The following MACROH2A1 variants were observed in gnomAD, a reference collection of about 807,000 sequenced individuals.
The protein encoded by MACROH2A1 is core histone macro-H2A.1.
A neutral mutation model predicts 31.6 loss-of-function variants in MACROH2A1; 2 were observed. That is an observed-to-expected ratio of 0.06 (90% CI 0.03 to 0.20). The LOEUF (loss-of-function observed/expected upper bound fraction) is 0.20. Ranked by LOEUF, MACROH2A1 falls within the 10% of genes least tolerant of loss-of-function variation. The probability of loss-of-function intolerance (pLI) is 1.00; values close to 1 mark genes in which losing one functional copy is unlikely to be tolerated. For synonymous variants in MACROH2A1, 169 were observed against 189.6 expected (o/e 0.89, Z 0.89); for missense variants, 230 against 474.0 (o/e 0.49, Z 4.78).
At chr5:135,361,144 T>C (rs1307254833) in intron 4 of MACROH2A1, 1 of 226,632 alleles carries the variant, frequency 4.4e-6, no homozygotes, top group African/African-American at 2.4e-5. Flanking sequence ...TCTGTCTCCC[T>C]GCAGACCCCT....
At chr5:135,361,255 C>A (rs1250949778) in intron 4 of MACROH2A1, 1 of 157,156 alleles carries the variant, frequency 6.4e-6, no homozygotes, top group Non-Finnish European at 1.4e-5. Context: ...GAGAGAGGTA[C>A]ATGACATGGA....
intron 2 of MACROH2A1, among the ~76,000 whole-genome samples, chr5:135,381,452 A>G (rs1765641327): frequency 6.6e-6 from 1 of 152,186 alleles, no homozygotes; most frequent in Non-Finnish European, 1.5e-5. Context: ...AAGATGATAA[A>G]GAATGGCCAA....
At position 135,334,959 on chromosome 5, in the gene MACROH2A1, TTC is replaced by T; in HGVS notation, c.*15_*16del. ...AAGGTGGGGTACATGGTGCAGCTGGTTCTGTCATTGCTCAGCCTAGTTGGCGT... is the reference window on the plus strand; with the variant it reads ...AAGGTGGGGTACATGGTGCAGCTGGTTGTCATTGCTCAGCCTAGTTGGCGT... On this transcript the variant is annotated 3_prime_UTR_variant, in exon 9 of 9. Transcript: ENST00000511689. 1 of 1,608,240 alleles carries T rather than the reference TTC, an allele frequency of 6.2e-7. No individual in the cohort carries two copies. Among genetic ancestry groups the T allele is most frequent in the Non-Finnish European group, 8.5e-7 (1 of 1,175,176 alleles).
rs1768394100 is a variant in MACROH2A1, at chr5:135,398,660, C to G, written c.-34+402G>C. Among the ~76,000 whole-genome samples, 1 of 152,172 alleles carries G rather than the reference C, an allele frequency of 6.6e-6. No homozygotes were observed. Among genetic ancestry groups the G allele is most frequent in the Non-Finnish European group, 1.5e-5 (1 of 68,018 alleles). ...GTACAACTCTGCTCACAGCAGCTCC[C>G]GGGTGCCCAGGCCCAGACTGCCTAG... is the stretch of plus-strand genomic sequence containing the variant. On this transcript the variant is annotated intron_variant, in intron 1 of 8. Coordinates refer to ENST00000511689, the MANE Select transcript of MACROH2A1 (RefSeq NM_138610.3). This position sits in a 1 kb window ranked among gnomAD's most constrained non-coding sequence, Gnocchi z 4.6.
chr5:135,344,920 G>A (rs1760576046), intron 7 of MACROH2A1: 1 of 152,244 alleles, frequency 6.6e-6, no homozygotes, highest in African/African-American at 2.4e-5. Flanking sequence ...CAGGACTCAA[G>A]CTGGAACCCC....
intron 5 of MACROH2A1, chr5:135,359,097 A>T (rs1762525612): frequency 1.0e-6 from 1 of 985,320 alleles, no homozygotes; most frequent in East Asian, 1.1e-4. Context: ...TAGTTCATCC[A>T]GCAAGGGAGG....
chr5:135,367,215 ACAC>A (rs1242003222), intron 4 of MACROH2A1, among the ~76,000 whole-genome samples: 2 of 152,214 alleles, frequency 1.3e-5, no homozygotes, highest in Non-Finnish European at 2.9e-5. Context: ...CTGGGAGCTG[ACAC>A]CACAATTTAC....
At chr5:135,397,529 G>A (rs1768183144) in intron 1 of MACROH2A1, among the ~76,000 whole-genome samples, 5 of 152,190 alleles carry the variant, frequency 3.3e-5, no homozygotes. Flanking sequence ...ACAGATCGAA[G>A]CCAAAGAACA....
chr5:135,336,244 T>C (rs913717948), intron 8 of MACROH2A1, among the ~76,000 whole-genome samples: 5 of 152,240 alleles, frequency 3.3e-5, no homozygotes, highest in African/African-American at 7.2e-5. Flanking sequence ...CTGTGCACTC[T>C]GAACCTCCTG....
intron 2 of MACROH2A1, among the ~76,000 whole-genome samples, chr5:135,383,146 T>G (rs1004361051): frequency 6.6e-6 from 1 of 152,224 alleles, no homozygotes; most frequent in South Asian, 2.1e-4. Context: ...AGTGTTGAAC[T>G]GATTCTTTTT....
At chr5:135,392,551 C>G (rs995670837) in intron 1 of MACROH2A1, among the ~76,000 whole-genome samples, 4 of 152,184 alleles carry the variant, frequency 2.6e-5, no homozygotes, top group African/African-American at 9.7e-5. Flanking sequence ...TGACATCCAG[C>G]AATGTGTGGT....
chr5:135,397,217 C>T (rs1360876652), intron 1 of MACROH2A1, among the ~76,000 whole-genome samples: 1 of 152,110 alleles, frequency 6.6e-6, no homozygotes, highest in African/African-American at 2.4e-5. Context: ...GGTCCCAGAA[C>T]ACATGCCCTC....
intron 1 of MACROH2A1, among the ~76,000 whole-genome samples, chr5:135,394,375 G>A (rs1767672849): frequency 6.6e-6 from 1 of 152,140 alleles, no homozygotes; most frequent in African/African-American, 2.4e-5. Context: ...GTCAGTCACA[G>A]TCTAGTTTGG....
chr5:135,398,899 AG>A lies in MACROH2A1; in HGVS notation c.-34+162del, dbSNP rs1221654573. Among the ~76,000 whole-genome samples, 2 of 148,152 alleles carry A rather than the reference AG, an allele frequency of 1.3e-5. No individual in the cohort carries two copies. The highest frequency in any genetic ancestry group is 5.0e-5 in the African/African-American group (2 of 39,990). ...GGCCCGACAAGGCCTGGGAGGACGT[AG>A]TGCACGCGCGAGGACCCGGCGTGGG... On this transcript the variant is annotated intron_variant, in intron 1 of 8. Coordinates refer to ENST00000511689, the MANE Select transcript of MACROH2A1 (RefSeq NM_138610.3). The surrounding 1 kb of genome is among the most constrained non-coding windows in gnomAD (Gnocchi z 4.6).
intron 6 of MACROH2A1, chr5:135,350,963 G>T: frequency 8.1e-7 from 1 of 1,233,240 alleles, no homozygotes; most frequent in Non-Finnish European, 1.2e-6. Flanking sequence ...CGAGACCCAC[G>T]CACAGGCACA....
intron 6 of MACROH2A1, among the ~76,000 whole-genome samples, chr5:135,349,307 T>C (rs577319857): frequency 1.3e-5 from 2 of 152,220 alleles, no homozygotes; most frequent in Non-Finnish European, 2.9e-5. Context: ...AAGTACTTCC[T>C]TTCTATCAAA....
intron 2 of MACROH2A1, among the ~76,000 whole-genome samples, chr5:135,379,887 C>T (rs920874518): frequency 2.6e-5 from 4 of 152,234 alleles, no homozygotes; most frequent in South Asian, 2.1e-4. Context: ...AAGGTATTGC[C>T]GAGACCTCCT....
intron 2 of MACROH2A1, among the ~76,000 whole-genome samples, chr5:135,378,413 A>G (rs1340721069): frequency 6.6e-6 from 1 of 152,130 alleles, no homozygotes; most frequent in Non-Finnish European, 1.5e-5. Context: ...CCTATCCTTC[A>G]AGGCCTATCT....
intron 5 of MACROH2A1, chr5:135,359,315 A>G: frequency 3.0e-6 from 3 of 985,364 alleles, no homozygotes; most frequent in Non-Finnish European, 3.6e-6. Context: ...CCCAAGGAAT[A>G]TGTTACAGGG....
Sources: gnomAD v4.1 joint callset for allele counts (sites outside exome capture counted in the v4.1 genomes callset) on GRCh38, gnomAD v4.1.1 for gene constraint, Gnocchi (gnomAD v3.1) non-coding constraint, MANE v1.5 for transcripts, NCBI Gene and HGNC (gene_info 2026-07-23, HGNC 2026-07-21) for gene names.